NPAS1: variants seen among roughly 807,000 people sequenced by gnomAD.
The protein encoded by NPAS1 is neuronal PAS domain protein 1.
Under a neutral mutation model 49.2 loss-of-function variants are expected in NPAS1, and 29 were observed. The ratio of observed to expected loss-of-function variants is 0.59; its 90% CI spans 0.44 to 0.80. The LOEUF (loss-of-function observed/expected upper bound fraction) is 0.80, where lower values mean the gene tolerates loss of function less well. Ranked by LOEUF, NPAS1 falls within the 30% of genes least tolerant of loss-of-function variation. NPAS1 has a pLI of 0.00. For missense variants in NPAS1, 825 were observed against 835.5 expected (o/e 0.99, Z 0.15); for synonymous variants, 408 against 380.4 (o/e 1.07, Z -0.84).
At chr19:47,026,996 A>T (rs1367432079) in intron 3 of NPAS1, among the ~76,000 whole-genome samples, 1 of 151,334 alleles carries the variant, frequency 6.6e-6, no homozygotes, top group Non-Finnish European at 1.5e-5. Context: ...CATGACTCCC[A>T]GTATTAGGCA....
Position 47,021,563 on chromosome 19 carries a change from C to G in NPAS1, c.123-49C>G. The G allele has an allele frequency of 7.6e-7, 1 of 1,308,142 alleles. No homozygotes were observed. The highest frequency in any genetic ancestry group is 1.0e-6 in the Non-Finnish European group (1 of 991,442). 81.0% of individuals were successfully genotyped at this position (1,308,142 alleles called of 1,614,324 possible). The stretch of plus-strand genomic sequence containing the variant: ...CGGGGCTCGCCCCCAGTTCCCAAGC[C>G]CCTGAGCCCCGGGGCCCCGCCGACA... On this transcript the variant is annotated intron_variant, in intron 2 of 11. Coordinates refer to ENST00000602212, the MANE Select transcript of NPAS1 (RefSeq NM_002517.4). This position sits in a 1 kb window ranked among gnomAD's most constrained non-coding sequence, Gnocchi z 5.7.
In NPAS1 at chr19:47,021,078, G is replaced by C; in HGVS notation, c.31G>C (p.Gly11Arg). Residue 11 changes from glycine (G) to arginine (R), a missense_variant, in exon 2 of 12, where the codon GGA becomes CGA. Coordinates refer to ENST00000602212, the MANE Select transcript of NPAS1 (RefSeq NM_002517.4). The surrounding 1 kb of genome is among the most constrained non-coding windows in gnomAD (Gnocchi z 5.7). MAAPYPGSGG[G>R]SEVKCVGGRG... The stretch of plus-strand genomic sequence containing the variant: ...GGCCCCCTATCCCGGCAGTGGCGGC[G>C]GAAGCGAGGTCAAATGCGTGGGAGG... 6.2e-7 allele frequency: 1 copy of C among 1,605,008 alleles called. No individual in the cohort carries two copies. Among genetic ancestry groups the C allele is most frequent in the Non-Finnish European group, 8.5e-7 (1 of 1,176,680 alleles).
chr19:47,023,052 C>T (rs554358810), intron 3 of NPAS1, among the ~76,000 whole-genome samples: 2 of 152,298 alleles, frequency 1.3e-5, no homozygotes, highest in African/African-American at 2.4e-5. Context: ...CCTCCTGCCC[C>T]GTCCCAGGGG....
intron 3 of NPAS1, among the ~76,000 whole-genome samples, chr19:47,030,636 CTTT>C (rs55931402): frequency 8.3e-5 from 8 of 96,790 alleles, no homozygotes; most frequent in African/African-American, 2.5e-4. Flanking sequence ...GGCCCTTTGC[CTTT>C]TTTTTTTTTT....
At chr19:47,038,439 C>G (rs886337834) in intron 6 of NPAS1, among the ~76,000 whole-genome samples, 1 of 123,618 alleles carries the variant, frequency 8.1e-6, no homozygotes, top group Non-Finnish European at 1.8e-5. Flanking sequence ...ATCACTTGAA[C>G]TGGGGAGACG....
At chr19:47,042,106 G>A (rs2057028915) in intron 10 of NPAS1, among the ~76,000 whole-genome samples, 1 of 151,914 alleles carries the variant, frequency 6.6e-6, no homozygotes, top group South Asian at 2.1e-4. Context: ...AGGAGTTGAA[G>A]ACCAGCCTGG....
At chr19:47,032,848 T>TCGAACTCCTGA in intron 5 of NPAS1, 116 bp downstream of exon 5, 1 of 743,204 alleles carries the variant, frequency 1.3e-6, no homozygotes. Flanking sequence ...GGACTGGATC[T>TCGAACTCCTGA]CTGTGGTCCC....
At chr19:47,020,903 C>T (rs917938684) in intron 1 of NPAS1, 103 bp from the exon 2 acceptor site, 1 of 409,272 alleles carries the variant, frequency 2.4e-6, no homozygotes, top group South Asian at 5.0e-5. Context: ...GGCCCCCCCC[C>T]CCCCAGCTCC....
intron 8 of NPAS1, 85 bp downstream of exon 8, chr19:47,039,649 T>C: frequency 2.8e-6 from 4 of 1,423,292 alleles, no homozygotes; most frequent in Non-Finnish European, 3.8e-6. Flanking sequence ...GAGTGCTGGG[T>C]CTGCAGGATA....
chr19:47,044,015 G>C (rs1445871646), intron 11 of NPAS1, among the ~76,000 whole-genome samples: 1 of 152,144 alleles, frequency 6.6e-6, no homozygotes, highest in East Asian at 1.9e-4. Flanking sequence ...GCAGTGCGCT[G>C]TGACAGCTGT....
At chr19:47,041,367 A>G (rs1305368758) in intron 10 of NPAS1, among the ~76,000 whole-genome samples, 1 of 152,102 alleles carries the variant, frequency 6.6e-6, no homozygotes, top group East Asian at 1.9e-4. Context: ...AGGCAGGGGC[A>G]GGCTCACAGC....
At chr19:47,032,215 C>T (rs966671057) in intron 3 of NPAS1, 63 bp from the exon 4 acceptor site, 12 of 1,486,862 alleles carry the variant, frequency 8.1e-6, no homozygotes, top group Middle Eastern at 1.7e-4. Context: ...GACTGGCTCC[C>T]GGGGGACCTG....
At chr19:47,036,203 T>C (rs1462159282) in intron 6 of NPAS1, 74 bp downstream of exon 6, 12 of 1,437,656 alleles carry the variant, frequency 8.3e-6, no homozygotes, top group Middle Eastern at 1.7e-4. Context: ...TATCCAGCCA[T>C]GCCGCGTTTA....
chr19:47,034,311 T>G, intron 5 of NPAS1, among the ~76,000 whole-genome samples: 2 of 74,146 alleles, frequency 2.7e-5, no homozygotes, highest in Non-Finnish European at 5.2e-5. Context: ...CAAAACTCCG[T>G]CTCAAAAAAA....
chr19:47,039,971 A>G (rs2057001414), intron 8 of NPAS1, among the ~76,000 whole-genome samples: 1 of 152,120 alleles, frequency 6.6e-6, no homozygotes, highest in Non-Finnish European at 1.5e-5. Context: ...GGGCCTTGCC[A>G]CTAGCATCCA....
chr19:47,042,924 T>C lies in NPAS1; in HGVS notation c.1312+20T>C. ...CCACAGGTGAGCCCCACCTCCCACC[T>C]TGGCCCCTGGGAAGCTCCAAGGAAC... On this transcript the variant is annotated intron_variant, in intron 11 of 11. Transcript: ENST00000602212. 1 of 1,541,518 alleles carries C rather than the reference T, an allele frequency of 6.5e-7. No individual in the cohort carries two copies. Among genetic ancestry groups the C allele is most frequent in the South Asian group, 1.2e-5 (1 of 81,606 alleles).
intron 3 of NPAS1, among the ~76,000 whole-genome samples, chr19:47,026,688 C>T (rs1345881204): frequency 1.3e-5 from 2 of 152,138 alleles, no homozygotes; most frequent in Non-Finnish European, 2.9e-5. Context: ...GGGGCGGTGG[C>T]TCACACCTGT....
At chr19:47,027,326 A>ATCCACCTCTCTCTGCCCCAGG (rs2056877287) in intron 3 of NPAS1, among the ~76,000 whole-genome samples, 1 of 80,592 alleles carries the variant, frequency 1.2e-5, no homozygotes, top group Non-Finnish European at 2.8e-5. Context: ...CTGCCCCTGG[A>ATCCACCTCTCTCTGCCCCAGG]TCCCCCTCTC....
intron 4 of NPAS1, 48 bp from the exon 5 acceptor site, chr19:47,032,595 G>C (rs771362160): frequency 6.5e-7 from 1 of 1,547,058 alleles, no homozygotes; most frequent in Non-Finnish European, 8.9e-7. Context: ...GCTGGACAGA[G>C]GGACACCGGG....
Sources: gnomAD v4.1 joint callset for allele counts (sites outside exome capture counted in the v4.1 genomes callset) on GRCh38, gnomAD v4.1.1 for gene constraint, Gnocchi (gnomAD v3.1) non-coding constraint, MANE v1.5 for transcripts, NCBI Gene and HGNC (gene_info 2026-07-23, HGNC 2026-07-21) for gene names.